The following NEDD4L variants were observed in gnomAD, a reference collection of about 807,000 sequenced individuals.
NEDD4L encodes E3 ubiquitin-protein ligase NEDD4-like.
Under a neutral mutation model 148.9 loss-of-function variants are expected in NEDD4L, and 54 were observed. The ratio of observed to expected loss-of-function variants is 0.36; its 90% CI spans 0.29 to 0.45. The LOEUF (loss-of-function observed/expected upper bound fraction) is 0.45, where lower values mean the gene tolerates loss of function less well. Ranked by LOEUF, NEDD4L falls within the 20% of genes least tolerant of loss-of-function variation. NEDD4L has a pLI of 1.00. For synonymous variants in NEDD4L, 433 were observed against 440.7 expected (o/e 0.98, Z 0.22); for missense variants, 856 against 1,233.8 (o/e 0.69, Z 4.59).
chr18:58,390,326 T>C, intron 28 of NEDD4L: 1 of 212,610 alleles, frequency 4.7e-6, no homozygotes, highest in South Asian at 1.3e-4. Flanking sequence ...ATACTGTATA[T>C]TTATAATTGG....
At chr18:58,337,951 A>G (rs1024646980) in intron 13 of NEDD4L, among the ~76,000 whole-genome samples, 2 of 152,182 alleles carry the variant, frequency 1.3e-5, no homozygotes, top group African/African-American at 4.8e-5. Flanking sequence ...AAGGAGAGGG[A>G]TAGCACAGTC....
chr18:58,085,333 G>A (rs951167224), intron 1 of NEDD4L, among the ~76,000 whole-genome samples: 4 of 152,178 alleles, frequency 2.6e-5, no homozygotes, highest in African/African-American at 4.8e-5. Flanking sequence ...GTGGAGGGCC[G>A]TGTGCCAGGC....
chr18:58,117,272 A>C (rs1301860148), intron 1 of NEDD4L, among the ~76,000 whole-genome samples: 1 of 152,252 alleles, frequency 6.6e-6, no homozygotes, highest in African/African-American at 2.4e-5. Context: ...CAGGAAAAAC[A>C]GTTCATCCTC....
At chr18:58,369,600 GGGGAGAATT>G (rs2046571851) in intron 22 of NEDD4L, among the ~76,000 whole-genome samples, 1 of 152,192 alleles carries the variant, frequency 6.6e-6, no homozygotes, top group South Asian at 2.1e-4. Context: ...ACGCTGAGCC[GGGGAGAATT>G]GGCCTGTACT....
At chr18:58,185,632 G>A (rs1490752730) in intron 2 of NEDD4L, among the ~76,000 whole-genome samples, 1 of 152,186 alleles carries the variant, frequency 6.6e-6, no homozygotes, top group Non-Finnish European at 1.5e-5. Flanking sequence ...CCAACACTTT[G>A]GGAGGCCTAG....
intron 2 of NEDD4L, among the ~76,000 whole-genome samples, chr18:58,225,757 A>G (rs1353551298): frequency 6.6e-6 from 1 of 152,138 alleles, no homozygotes; most frequent in Non-Finnish European, 1.5e-5. Flanking sequence ...GTGACCACCT[A>G]CCTCTCTGCT....
Position 58,383,234 on chromosome 18 carries a change from T to C in NEDD4L, c.2353-12T>C. On this transcript the variant is annotated splice_polypyrimidine_tract_variant and intron_variant, in intron 24 of 30. Transcript: ENST00000400345. ...CGTGATAGTAATTGTTGTTTTGTCTTTGTAATTACAGACATATCAAGTGGA... is the reference window on the plus strand; with the variant it reads ...CGTGATAGTAATTGTTGTTTTGTCTCTGTAATTACAGACATATCAAGTGGA... The C allele has an allele frequency of 7.0e-7, 1 of 1,423,842 alleles. No individual in the cohort carries two copies. 88.2% of individuals were successfully genotyped at this position (1,423,842 alleles called of 1,614,324 possible). A position where few individuals can be genotyped will look rare whatever the true frequency, so the allele number is the denominator to read the frequency against.
At chr18:58,103,681 G>T (rs763353924) in intron 1 of NEDD4L, among the ~76,000 whole-genome samples, 2 of 152,184 alleles carry the variant, frequency 1.3e-5, no homozygotes, top group Non-Finnish European at 2.9e-5. Context: ...GGTGAACGAA[G>T]ATAAAAGTGC....
At chr18:58,200,568 C>A (rs759304096) in intron 2 of NEDD4L, among the ~76,000 whole-genome samples, 19 of 152,142 alleles carry the variant, frequency 1.2e-4, no homozygotes, top group African/African-American at 4.1e-4. Flanking sequence ...ATTAAGATAA[C>A]GTGGATATGT....
At chr18:58,116,997 T>C (rs544983490) in intron 1 of NEDD4L, among the ~76,000 whole-genome samples, 5 of 152,346 alleles carry the variant, frequency 3.3e-5, no homozygotes, top group African/African-American at 9.6e-5. Flanking sequence ...ACAGAGCTTC[T>C]TCCATCTAGA....
intron 18 of NEDD4L, among the ~76,000 whole-genome samples, chr18:58,353,724 TTTCTGTC>T (rs1485986696): frequency 6.6e-6 from 1 of 152,228 alleles, no homozygotes; most frequent in Non-Finnish European, 1.5e-5. Context: ...AGGAATGTCC[TTTCTGTC>T]AGAAGAAAGC....
chr18:58,187,560 T>C (rs2147116151), intron 2 of NEDD4L, among the ~76,000 whole-genome samples: 1 of 152,318 alleles, frequency 6.6e-6, no homozygotes, highest in South Asian at 2.1e-4. Context: ...ACTTAATATT[T>C]TCTGTAGTAG....
chr18:58,352,517 G>A (rs11663373), intron 18 of NEDD4L, among the ~76,000 whole-genome samples: 24,589 of 152,008 alleles, frequency 0.16, 2,366 homozygotes, highest in East Asian at 0.27. Context: ...AAACTAGCTG[G>A]GTGTGGTGGC....
intron 1 of NEDD4L, among the ~76,000 whole-genome samples, chr18:58,048,249 T>TG (rs1023530543): frequency 6.6e-6 from 1 of 152,170 alleles, no homozygotes; most frequent in African/African-American, 2.4e-5. Flanking sequence ...CCTGCTGGCT[T>TG]GGGGGTCTTT....
chr18:58,335,963 G>C (rs546394869), intron 13 of NEDD4L: 82 of 165,194 alleles, frequency 5.0e-4, no homozygotes, highest in Non-Finnish European at 3.3e-4. Flanking sequence ...TCTCTTTTCT[G>C]TATCTCCCCT....
chr18:58,188,244 A>C (rs374651109), intron 2 of NEDD4L, among the ~76,000 whole-genome samples: 6 of 152,324 alleles, frequency 3.9e-5, no homozygotes, highest in Admixed American at 3.3e-4. Context: ...TACTGGGAGA[A>C]AACGGAGATG....
In NEDD4L at chr18:58,330,852, G is replaced by C; in HGVS notation, c.928G>C (p.Glu310Gln). 6.2e-7 allele frequency: 1 copy of C among 1,614,000 alleles called. No homozygotes were observed. Among genetic ancestry groups the C allele is most frequent in the Non-Finnish European group, 8.5e-7 (1 of 1,179,884 alleles). ...SRTSPQELSE[E>Q]LSRRLQITPD... The stretch of plus-strand genomic sequence containing the variant: ...GACCAGCCCTCAGGAGCTGTCAGAG[G>C]AACTAAGCAGAAGGCTTCAGATCAC... The change falls in exon 11 of 31, where the codon GAA (glutamate) becomes CAA (glutamine). Residue 310 changes from glutamate to glutamine, a missense_variant. Glu to Gln is a conservative substitution (Grantham distance 29). Transcript: ENST00000400345.
chr18:58,356,216 C>G (rs574097333), intron 18 of NEDD4L, among the ~76,000 whole-genome samples: 25 of 152,292 alleles, frequency 1.6e-4, no homozygotes, highest in African/African-American at 5.8e-4. Flanking sequence ...CCTCAGCCCC[C>G]CAAAGTATTG....
chr18:58,104,159 A>G (rs1405428147), intron 1 of NEDD4L, among the ~76,000 whole-genome samples: 3 of 152,254 alleles, frequency 2.0e-5, no homozygotes, highest in Non-Finnish European at 2.9e-5. Flanking sequence ...GATACCTGCT[A>G]CAATGCGGAT....
Sources: gnomAD v4.1 joint callset for allele counts (sites outside exome capture counted in the v4.1 genomes callset) on GRCh38, gnomAD v4.1.1 for gene constraint, MANE v1.5 for transcripts, NCBI Gene and HGNC (gene_info 2026-07-23, HGNC 2026-07-21) for gene names.